Variants in AKT3 observed in about 807,000 individuals in gnomAD.
AKT3 encodes AKT serine/threonine kinase 3.
Under a neutral mutation model 65.3 loss-of-function variants are expected in AKT3, and 15 were observed. That is an observed-to-expected ratio of 0.23 (90% CI 0.15 to 0.35). The LOEUF is 0.35. Ranked by LOEUF, AKT3 falls within the 10% of genes least tolerant of loss-of-function variation. AKT3 has a pLI of 1.00. For synonymous variants in AKT3, 206 were observed against 183.8 expected (o/e 1.12, Z -0.98); for missense variants, 243 against 576.5 (o/e 0.42, Z 5.92).
intron 6 of AKT3, among the ~76,000 whole-genome samples, chr1:243,635,652 T>G (rs997136092): frequency 3.3e-5 from 5 of 152,026 alleles, no homozygotes; most frequent in Non-Finnish European, 7.4e-5. Context: ...AAATAGGTTA[T>G]TTATATAGTC....
At chr1:243,664,185 CTTTTTTTTTTTTTTTTT>C (rs34578718) in intron 4 of AKT3, among the ~76,000 whole-genome samples, 1 of 60,020 alleles carries the variant, frequency 1.7e-5, no homozygotes, top group Non-Finnish European at 3.0e-5. Context: ...ATAAAAATGT[CTTTTTTTTTTTTTTTTT>C]TTTTTTTTTT....
In AKT3 at chr1:243,503,362, A is replaced by G. The variant is rs1001942208; in HGVS notation, c.*1887T>C. ...AAGAGGCTAAGACATCTGCATATGA[A>G]TATGATTCATCCTACTTAGAAAGTC... On this transcript the variant is annotated 3_prime_UTR_variant, in exon 14 of 14. Coordinates refer to ENST00000673466, the MANE Select transcript of AKT3 (RefSeq NM_005465.7). The G allele has an allele frequency of 1.1e-4, 25 of 232,638 alleles. No individual in the cohort carries two copies. Among genetic ancestry groups the G allele is most frequent in the African/African-American group, 4.9e-4 (22 of 44,864 alleles). 14.4% of individuals were successfully genotyped at this position (232,638 alleles called of 1,614,324 possible).
intron 8 of AKT3, among the ~76,000 whole-genome samples, chr1:243,579,407 A>G (rs892242655): frequency 6.6e-6 from 1 of 152,222 alleles, no homozygotes; most frequent in African/African-American, 2.4e-5. Context: ...AGAACAGGAC[A>G]TTCAGATGGA....
chr1:243,828,349 G>T (rs1694301651), intron 2 of AKT3, among the ~76,000 whole-genome samples: 1 of 152,062 alleles, frequency 6.6e-6, no homozygotes, highest in Non-Finnish European at 1.5e-5. Flanking sequence ...ATTAAGGATT[G>T]TGCCCACAGA....
At chr1:243,512,507 G>A (rs191148613) in intron 12 of AKT3, 81 bp from the exon 13 acceptor site, 244 of 822,758 alleles carry the variant, frequency 3.0e-4, no homozygotes, top group Admixed American at 1.2e-3. Flanking sequence ...CAGAGAGCAC[G>A]TAGTTAAATG....
intron 2 of AKT3, among the ~76,000 whole-genome samples, chr1:243,755,921 T>C (rs997573547): frequency 6.6e-6 from 1 of 152,134 alleles, no homozygotes; most frequent in Non-Finnish European, 1.5e-5. Context: ...GCTGGTACTG[T>C]AGGGGGAAGC....
At chr1:243,793,264 A>G (rs375240891) in intron 2 of AKT3, 1 of 152,122 alleles carries the variant, frequency 6.6e-6, no homozygotes, top group Non-Finnish European at 1.5e-5. Flanking sequence ...TTTTTTTTAC[A>G]TATTTTTAGG....
chr1:243,784,338 A>G (rs1691110631), intron 2 of AKT3, among the ~76,000 whole-genome samples: 1 of 152,036 alleles, frequency 6.6e-6, no homozygotes, highest in African/African-American at 2.4e-5. Flanking sequence ...AGTATGAGAC[A>G]AGATTAAAAA....
chr1:243,576,077 C>T (rs1674920195), intron 8 of AKT3, among the ~76,000 whole-genome samples: 1 of 151,910 alleles, frequency 6.6e-6, no homozygotes, highest in African/African-American at 2.4e-5. Flanking sequence ...TAATTTGGAT[C>T]CACATATGCA....
chr1:243,619,179 G>T (rs1354182257), intron 6 of AKT3, among the ~76,000 whole-genome samples: 1 of 152,096 alleles, frequency 6.6e-6, no homozygotes, highest in African/African-American at 2.4e-5. Context: ...ACACGAATCA[G>T]GTGGGAGAAA....
At chr1:243,801,769 G>C (rs74879540) in intron 2 of AKT3, among the ~76,000 whole-genome samples, 3,371 of 152,218 alleles carry the variant, frequency 0.022, 117 homozygotes, top group African/African-American at 0.077. Flanking sequence ...AAAAGCTGAA[G>C]CACTAGTCTT....
At chr1:243,813,773 T>C (rs972311912) in intron 2 of AKT3, among the ~76,000 whole-genome samples, 1 of 152,198 alleles carries the variant, frequency 6.6e-6, no homozygotes, top group Non-Finnish European at 1.5e-5. Flanking sequence ...TAAAGTGATA[T>C]CTACAGCTTC....
intron 12 of AKT3, among the ~76,000 whole-genome samples, chr1:243,517,764 A>G (rs1670458750): frequency 6.6e-6 from 1 of 152,198 alleles, no homozygotes; most frequent in African/African-American, 2.4e-5. Flanking sequence ...TCTGTCTTTC[A>G]ATTGTGGTGT....
At chr1:243,810,191 G>C (rs947974310) in intron 2 of AKT3, among the ~76,000 whole-genome samples, 2 of 152,134 alleles carry the variant, frequency 1.3e-5, no homozygotes, top group African/African-American at 4.8e-5. Context: ...AGAACTGAAG[G>C]AGATAGAGAC....
intron 12 of AKT3, among the ~76,000 whole-genome samples, chr1:243,536,738 T>G (rs1671964421): frequency 1.3e-5 from 2 of 152,212 alleles, no homozygotes; most frequent in African/African-American, 4.8e-5. Context: ...GACAGCTGTT[T>G]GTGTTTTTAT....
chr1:243,726,125 T>C (rs1217906805), intron 2 of AKT3, among the ~76,000 whole-genome samples: 1 of 152,234 alleles, frequency 6.6e-6, no homozygotes, highest in African/African-American at 2.4e-5. Context: ...CTGTTTTAAT[T>C]ATTCTGTTGC....
chr1:243,501,947 T>A lies in AKT3; in HGVS notation c.*3302A>T, dbSNP rs556358888. On this transcript the variant is annotated 3_prime_UTR_variant, in exon 14 of 14. Coordinates refer to ENST00000673466, the MANE Select transcript of AKT3 (RefSeq NM_005465.7). ...ACAGGTTTAGTATGACCAACAGTAA[T>A]AGTAATACAGTTTCTTGGGTTTATA... is the stretch of plus-strand genomic sequence containing the variant. 4 of 232,554 alleles carry A rather than the reference T, an allele frequency of 1.7e-5. No homozygotes were observed. Among genetic ancestry groups the A allele is most frequent in the Non-Finnish European group, 3.4e-5 (4 of 117,756 alleles). 14.4% of individuals were successfully genotyped at this position (232,554 alleles called of 1,614,324 possible).
chr1:243,512,470 CAGGAAAATTCCTTTCT>C (rs1484682891), intron 12 of AKT3, 44 bp from the exon 13 acceptor site: 5 of 1,212,282 alleles, frequency 4.1e-6, no homozygotes, highest in Non-Finnish European at 5.9e-6. Context: ...GATTTCAATT[CAGGAAAATTCCTTTCT>C]AGGAAAAAAG....
chr1:243,613,513 A>G (rs956687157), intron 8 of AKT3, among the ~76,000 whole-genome samples, 158 bp downstream of exon 8: 2 of 152,220 alleles, frequency 1.3e-5, no homozygotes, highest in African/African-American at 4.8e-5. Flanking sequence ...ACATCTCATC[A>G]GAAATAATTT....
Sources: gnomAD v4.1 joint callset for allele counts (sites outside exome capture counted in the v4.1 genomes callset) on GRCh38, gnomAD v4.1.1 for gene constraint, MANE v1.5 for transcripts, NCBI Gene and HGNC (gene_info 2026-07-23, HGNC 2026-07-21) for gene names.